The following NLGN1 variants were observed in gnomAD, a reference collection of about 807,000 sequenced individuals.
NLGN1 encodes the protein neuroligin-1.
In NLGN1, 12 loss-of-function variants were observed where a neutral mutation model predicts 65.5. That is an observed-to-expected ratio of 0.18 (90% CI 0.12 to 0.30). The LOEUF (loss-of-function observed/expected upper bound fraction) is 0.30. NLGN1 is among the 10% of genes least tolerant of loss of function. The probability of loss-of-function intolerance (pLI) is 1.00; values close to 1 mark genes in which losing one functional copy is unlikely to be tolerated. For synonymous variants in NLGN1, 350 were observed against 359.5 expected, an observed-to-expected ratio of 0.97 and a Z score of 0.30; for missense variants, 750 against 1,007.1, an observed-to-expected ratio of 0.74 and a Z score of 3.46.
intron 3 of NLGN1, among the ~76,000 whole-genome samples, chr3:173,767,425 T>C (rs563519368): frequency 2.0e-5 from 3 of 152,168 alleles, no homozygotes; most frequent in East Asian, 3.9e-4. Context: ...TAGAGGATAT[T>C]GGCCAAACTC....
chr3:173,803,434 C>G (rs79028801), intron 3 of NLGN1, among the ~76,000 whole-genome samples: 5,831 of 151,862 alleles, frequency 0.038, 256 homozygotes, highest in East Asian at 0.18. Flanking sequence ...GACTGTCCAA[C>G]GTGGTGAAAC....
intron 3 of NLGN1, among the ~76,000 whole-genome samples, chr3:173,736,228 C>A (rs1360825958): frequency 6.6e-6 from 1 of 152,076 alleles, no homozygotes; most frequent in African/African-American, 2.4e-5. Context: ...TACCTACCTT[C>A]TTTTCTTTCT....
At chr3:173,809,540 G>A (rs1717430908) in intron 4 of NLGN1, among the ~76,000 whole-genome samples, 2 of 152,100 alleles carry the variant, frequency 1.3e-5, no homozygotes, top group African/African-American at 4.8e-5. Flanking sequence ...TTAAGGACTT[G>A]AACATCCAGT....
intron 4 of NLGN1, among the ~76,000 whole-genome samples, chr3:174,149,626 A>G (rs1384236362): frequency 6.6e-6 from 1 of 152,092 alleles, no homozygotes; most frequent in Admixed American, 6.6e-5. Context: ...AACTATCACC[A>G]CTTTATGAAA....
At chr3:173,752,553 C>A (rs1776458784) in intron 3 of NLGN1, among the ~76,000 whole-genome samples, 1 of 152,042 alleles carries the variant, frequency 6.6e-6, no homozygotes, top group African/African-American at 2.4e-5. Flanking sequence ...ATTAATACTT[C>A]TTTCCTTTGT....
intron 4 of NLGN1, among the ~76,000 whole-genome samples, chr3:173,918,630 CAAAAA>C (rs558281371): frequency 4.9e-5 from 3 of 61,468 alleles, no homozygotes; most frequent in African/African-American, 5.4e-5. Flanking sequence ...GACTCCATCT[CAAAAA>C]AAAAAAAAAA....
intron 1 of NLGN1, among the ~76,000 whole-genome samples, chr3:173,415,621 C>T (rs564299970): frequency 3.3e-5 from 5 of 151,978 alleles, no homozygotes; most frequent in Non-Finnish European, 7.4e-5. Context: ...TTGCCTGTTT[C>T]GTAGAGTAGT....
At chr3:173,711,590 T>C (rs1021650454) in intron 3 of NLGN1, among the ~76,000 whole-genome samples, 1 of 152,192 alleles carries the variant, frequency 6.6e-6, no homozygotes, top group African/African-American at 2.4e-5. Context: ...TTCATATTGC[T>C]TGGCTCCAGT....
At chr3:174,130,211 A>G (rs1409579373) in intron 4 of NLGN1, among the ~76,000 whole-genome samples, 3 of 152,146 alleles carry the variant, frequency 2.0e-5, no homozygotes, top group Admixed American at 1.3e-4. Context: ...CGTCTCTACT[A>G]AAAATATAAA....
intron 4 of NLGN1, among the ~76,000 whole-genome samples, chr3:173,919,520 C>T (rs1242437801): frequency 2.0e-5 from 3 of 152,090 alleles, no homozygotes; most frequent in East Asian, 3.9e-4. Flanking sequence ...AAACAGGACT[C>T]CTAGAAAAAT....
At chr3:174,136,897 A>G (rs904048503) in intron 4 of NLGN1, among the ~76,000 whole-genome samples, 4 of 152,166 alleles carry the variant, frequency 2.6e-5, no homozygotes, top group Admixed American at 2.6e-4. Context: ...TTGCATTTCA[A>G]TAATGCCATC....
chr3:173,541,357 T>G (rs1336552353), intron 2 of NLGN1, among the ~76,000 whole-genome samples: 1 of 152,118 alleles, frequency 6.6e-6, no homozygotes, highest in Non-Finnish European at 1.5e-5. Context: ...ATTTGAAAGT[T>G]TGGAACTAAT....
downstream of NLGN1, among the ~76,000 whole-genome samples, chr3:174,289,245 C>A (rs1398881562): frequency 6.6e-6 from 1 of 151,308 alleles, no homozygotes; most frequent in East Asian, 2.0e-4. Context: ...TCCCACATAC[C>A]ACCCTCGAAA....
At chr3:174,239,996 T>C (rs912868932) in intron 4 of NLGN1, among the ~76,000 whole-genome samples, 19 of 152,176 alleles carry the variant, frequency 1.2e-4, no homozygotes, top group Admixed American at 5.2e-4. Context: ...TTTTAGAAAT[T>C]GACACTCTTT....
intron 4 of NLGN1, among the ~76,000 whole-genome samples, chr3:174,162,869 T>C (rs1470071472): frequency 6.6e-6 from 1 of 151,660 alleles, no homozygotes; most frequent in Non-Finnish European, 1.5e-5. Context: ...CTATGGCTAC[T>C]CTCTGTCAGG....
At chr3:174,170,347 A>G (rs1271548538) in intron 4 of NLGN1, among the ~76,000 whole-genome samples, 1 of 152,166 alleles carries the variant, frequency 6.6e-6, no homozygotes, top group Non-Finnish European at 1.5e-5. Flanking sequence ...GTTTTTTCAA[A>G]GCTGCTTTGC....
intron 3 of NLGN1, among the ~76,000 whole-genome samples, chr3:173,617,877 A>C (rs1327552231): frequency 6.6e-6 from 1 of 151,984 alleles, no homozygotes; most frequent in Non-Finnish European, 1.5e-5. Context: ...TTTTCTTCTT[A>C]TTCAACCCCA....
chr3:173,689,605 T>C (rs1765166915), intron 3 of NLGN1, among the ~76,000 whole-genome samples: 1 of 152,156 alleles, frequency 6.6e-6, no homozygotes, highest in African/African-American at 2.4e-5. Context: ...TTTGACAAGA[T>C]TCCTCAAGAT....
chr3:173,436,242 T>C (rs1364233219), intron 2 of NLGN1, among the ~76,000 whole-genome samples: 2 of 152,188 alleles, frequency 1.3e-5, no homozygotes, highest in Non-Finnish European at 2.9e-5. Flanking sequence ...ATTGTCACCA[T>C]CCAAATATGC....
Sources: gnomAD v4.1 joint callset for allele counts (sites outside exome capture counted in the v4.1 genomes callset) on GRCh38, gnomAD v4.1.1 for gene constraint, MANE v1.5 for transcripts, NCBI Gene and HGNC (gene_info 2026-07-23, HGNC 2026-07-21) for gene names.